ZC3H12B: variants seen among roughly 807,000 people sequenced by gnomAD.
The protein encoded by ZC3H12B is probable ribonuclease ZC3H12B.
ZC3H12B carries 7 observed loss-of-function variants against 43.9 expected under a neutral mutation model. That is an observed-to-expected ratio of 0.16 (90% CI 0.09 to 0.30). The LOEUF is 0.30. ZC3H12B is among the 10% of genes least tolerant of loss of function. The pLI is 1.00. For missense variants in ZC3H12B, 475 were observed against 670.2 expected (o/e 0.71, Z 3.22); for synonymous variants, 222 against 241.7 (o/e 0.92, Z 0.76).
the ZC3H12B span, among the ~76,000 whole-genome samples, chrX:65,284,123 A>T: frequency 3.6e-5 from 4 of 110,081 alleles, no homozygotes; most frequent in African/African-American, 1.3e-4. Context: ...TCAAAGACAA[A>T]GTACCTAACC....
the ZC3H12B span, among the ~76,000 whole-genome samples, chrX:65,183,969 A>G: frequency 9.0e-6 from 1 of 111,514 alleles, no homozygotes; most frequent in African/African-American, 3.2e-5. Context: ...TTTTAAATTC[A>G]ACTCTGAGAA....
chrX:65,478,320 C>T (rs1299962509), intron 3 of ZC3H12B, among the ~76,000 whole-genome samples: 1 of 112,110 alleles, frequency 8.9e-6, no homozygotes, highest in South Asian at 3.7e-4. Flanking sequence ...ACTATGGGCT[C>T]ATGCCACTAT....
chrX:65,131,901 G>A, the ZC3H12B span, among the ~76,000 whole-genome samples: 1 of 111,150 alleles, frequency 9.0e-6, no homozygotes, highest in African/African-American at 3.3e-5. Flanking sequence ...TTCAAAGGAG[G>A]GTCTATAAAG....
intron 3 of ZC3H12B, among the ~76,000 whole-genome samples, chrX:65,416,169 G>A (rs954847651): frequency 8.9e-6 from 1 of 111,857 alleles, no homozygotes; most frequent in African/African-American, 3.3e-5. Flanking sequence ...AGGACTGGAA[G>A]ACTGGCAGTC....
chrX:65,436,237 T>G (rs1250728082), intron 3 of ZC3H12B, among the ~76,000 whole-genome samples: 1 of 111,971 alleles, frequency 8.9e-6, no homozygotes, highest in East Asian at 2.8e-4. Flanking sequence ...TCTGCCCCCA[T>G]GATTCAATAA....
chrX:65,306,840 A>G, the ZC3H12B span, among the ~76,000 whole-genome samples: 1 of 112,641 alleles, frequency 8.9e-6, no homozygotes, highest in Non-Finnish European at 1.9e-5. Flanking sequence ...CCACTCAGCA[A>G]TAAAAAGGAA....
At position 65,448,251 on chromosome X, in the gene ZC3H12B, G is replaced by A. The variant is rs150408286; in HGVS notation, n.408-40395G>A. On this transcript the variant is annotated intron_variant and non_coding_transcript_variant, in intron 3 of 5. Coordinates refer to the ZC3H12B transcript ENST00000617377. The stretch of plus-strand genomic sequence containing the variant: ...CTCTGTCTCAAAAAAAAAAGATGTT[G>A]GCATGGATGTGGTGAAAAGGCAAAG... Among the ~76,000 whole-genome samples the A allele has an allele frequency of 9.9e-3, 1,094 of 110,304 alleles. 54 individuals are homozygous for A. In the East Asian group the frequency reaches 0.2, roughly 20 times the overall value.
chrX:65,304,196 G>T, the ZC3H12B span, among the ~76,000 whole-genome samples: 18 of 112,045 alleles, frequency 1.6e-4, no homozygotes, highest in African/African-American at 5.5e-4. Flanking sequence ...ATCAAAGGAA[G>T]TGAGTTCAGA....
the ZC3H12B span, among the ~76,000 whole-genome samples, chrX:65,211,523 T>C: frequency 9.5e-6 from 1 of 105,076 alleles, no homozygotes; most frequent in Non-Finnish European, 1.9e-5. Context: ...ATTTCCATCT[T>C]AGAAACAGAG....
chrX:65,226,865 C>G, the ZC3H12B span, among the ~76,000 whole-genome samples: 1 of 111,392 alleles, frequency 9.0e-6, no homozygotes, highest in Non-Finnish European at 1.9e-5. Context: ...AAAACAGGAG[C>G]ATCCAGATTC....
At chrX:65,472,477 G>A (rs935573372) in intron 3 of ZC3H12B, among the ~76,000 whole-genome samples, 3 of 107,945 alleles carry the variant, frequency 2.8e-5, no homozygotes, top group Non-Finnish European at 3.8e-5. Context: ...TGTGCCTCTG[G>A]GATCATACCC....
intron 2 of ZC3H12B, among the ~76,000 whole-genome samples, chrX:65,386,843 G>C (rs767098453): frequency 9.0e-6 from 1 of 111,319 alleles, no homozygotes; most frequent in South Asian, 3.8e-4. Flanking sequence ...CTGGTATGTT[G>C]TGTCTTTGTT....
intron 3 of ZC3H12B, among the ~76,000 whole-genome samples, chrX:65,452,915 A>C (rs1283531223): frequency 4.5e-5 from 5 of 110,298 alleles, no homozygotes; most frequent in African/African-American, 1.7e-4. Context: ...TATTGTAAAA[A>C]TGAACATACT....
At chrX:65,380,518 G>C (rs1054543493) in intron 2 of ZC3H12B, among the ~76,000 whole-genome samples, 2 of 111,732 alleles carry the variant, frequency 1.8e-5, no homozygotes, top group South Asian at 7.5e-4. Flanking sequence ...AAAATGTAAA[G>C]ACCATCAAGA....
the ZC3H12B span, among the ~76,000 whole-genome samples, chrX:65,069,014 G>A: frequency 9.2e-6 from 1 of 109,112 alleles, no homozygotes; most frequent in Non-Finnish European, 1.9e-5. Flanking sequence ...GAGCTCCATA[G>A]TATATTGTTT....
At chrX:65,091,909 C>T in the ZC3H12B span, among the ~76,000 whole-genome samples, 9 of 112,117 alleles carry the variant, frequency 8.0e-5, no homozygotes. Flanking sequence ...TGTGTCCCCA[C>T]CCAAATCTAA....
the ZC3H12B span, among the ~76,000 whole-genome samples, chrX:65,317,571 T>C: frequency 9.2e-6 from 1 of 109,285 alleles, no homozygotes; most frequent in Non-Finnish European, 1.9e-5. Context: ...CATTGTATTA[T>C]TCTTATGCCG....
At chrX:65,393,451 C>T (rs942554675) in intron 2 of ZC3H12B, among the ~76,000 whole-genome samples, 1 of 110,300 alleles carries the variant, frequency 9.1e-6, no homozygotes, top group African/African-American at 3.3e-5. Context: ...CATCCCCTTG[C>T]CCCACAACCC....
intron 2 of ZC3H12B, among the ~76,000 whole-genome samples, chrX:65,383,359 TC>T (rs1208999026): frequency 8.9e-6 from 1 of 112,030 alleles, no homozygotes; most frequent in African/African-American, 3.3e-5. Context: ...GGGAAAGGAT[TC>T]CCTATTTAAT....
Sources: gnomAD v4.1 joint callset for allele counts (sites outside exome capture counted in the v4.1 genomes callset) on GRCh38, gnomAD v4.1.1 for gene constraint, MANE v1.5 for transcripts, NCBI Gene and HGNC (gene_info 2026-07-23, HGNC 2026-07-21) for gene names.